PARPBP: variants seen among roughly 807,000 people sequenced by gnomAD.
PARPBP encodes PARP1 binding protein.
In PARPBP, 52 loss-of-function variants were observed where a neutral mutation model predicts 50.0. The ratio of observed to expected loss-of-function variants is 1.04; its 90% CI spans 0.83 to 1.31. The LOEUF (loss-of-function observed/expected upper bound fraction) is 1.31, where lower values mean the gene tolerates loss of function less well. PARPBP is among the 50% of genes most tolerant of loss of function. The pLI is 0.00. For synonymous variants in PARPBP, 244 were observed against 232.1 expected (o/e 1.05, Z -0.47); for missense variants, 697 against 672.0 (o/e 1.04, Z -0.41).
chr12:102,184,768 G>T (rs1244091089), intron 9 of PARPBP, among the ~76,000 whole-genome samples: 4 of 152,116 alleles, frequency 2.6e-5, no homozygotes, highest in Non-Finnish European at 5.9e-5. Context: ...GTTTAACCAG[G>T]TATACAACTG....
chr12:102,176,556 A>G (rs962591359), intron 7 of PARPBP, among the ~76,000 whole-genome samples: 2 of 152,202 alleles, frequency 1.3e-5, no homozygotes, highest in Non-Finnish European at 2.9e-5. Context: ...AATTAAATAG[A>G]GTAGATTCTA....
intron 2 of PARPBP, among the ~76,000 whole-genome samples, chr12:102,126,790 A>G (rs930535363): frequency 1.3e-5 from 2 of 152,186 alleles, no homozygotes; most frequent in Non-Finnish European, 2.9e-5. Flanking sequence ...ATAAATAAAT[A>G]AAATAAAATT....
At chr12:102,142,219 G>T (rs757903515) in intron 2 of PARPBP, among the ~76,000 whole-genome samples, 2 of 151,818 alleles carry the variant, frequency 1.3e-5, no homozygotes, top group Non-Finnish European at 2.9e-5. Flanking sequence ...TTGTCTTCTC[G>T]CTTCATTTCA....
chr12:102,135,518 A>G (rs1342741538), intron 2 of PARPBP, among the ~76,000 whole-genome samples: 1 of 139,214 alleles, frequency 7.2e-6, no homozygotes, highest in Admixed American at 7.3e-5. Context: ...CCAGCCTGGG[A>G]GACAGAGACT....
rs1014968548 is a variant in PARPBP, at chr12:102,195,866, A to G, written c.1400-85A>G. ...TTAAAAATTTGAATATTCGTTAGCC[A>G]TTTTTAAAGTTTATTGTAAAGTTCT... On this transcript the variant is annotated intron_variant, in intron 10 of 10. Transcript: ENST00000327680. 5 of 847,626 alleles carry G rather than the reference A, an allele frequency of 5.9e-6. No individual in the cohort carries two copies. The African/African-American group carries it at 8.6e-5, about 15-fold the overall frequency. The allele number at this position is 847,626 out of a possible 1,614,324, so 52.5% of individuals were successfully genotyped here.
intron 2 of PARPBP, among the ~76,000 whole-genome samples, chr12:102,141,648 A>G (rs998148982): frequency 4.0e-5 from 6 of 151,786 alleles, no homozygotes; most frequent in Non-Finnish European, 8.8e-5. Flanking sequence ...CATGTTTAGT[A>G]CTTCCTTCAG....
chr12:102,133,840 T>C (rs1883220607), intron 2 of PARPBP, among the ~76,000 whole-genome samples: 1 of 151,932 alleles, frequency 6.6e-6, no homozygotes, highest in Non-Finnish European at 1.5e-5. Context: ...CAGGAAGAAT[T>C]TGGAAAATTA....
At chr12:102,183,616 G>C (rs1452440371) in intron 9 of PARPBP, among the ~76,000 whole-genome samples, 1 of 152,054 alleles carries the variant, frequency 6.6e-6, no homozygotes, top group Non-Finnish European at 1.5e-5. Context: ...TTGCAATCAA[G>C]GGATAAGATT....
In PARPBP at chr12:102,197,212, C is replaced by A. The variant is rs780126998; in HGVS notation, c.*921C>A. On this transcript the variant is annotated 3_prime_UTR_variant, in exon 11 of 11. Transcript: ENST00000327680. ...TGATTTGGTTTTTAGCTATCGTATT[C>A]GGAGTGGAACTATAATACAATTGTA... 7.2e-7 allele frequency: 1 copy of A among 1,385,794 alleles called. No homozygotes were observed. Among genetic ancestry groups the A allele is most frequent in the Non-Finnish European group, 1.0e-6 (1 of 978,168 alleles). The allele number at this position is 1,385,794 out of a possible 1,614,324, so 85.8% of individuals were successfully genotyped here. A position where few individuals can be genotyped will look rare whatever the true frequency, so the allele number is the denominator to read the frequency against.
At chr12:102,167,730 C>T (rs959533816) in intron 6 of PARPBP, among the ~76,000 whole-genome samples, 13 of 152,142 alleles carry the variant, frequency 8.5e-5, no homozygotes, top group African/African-American at 3.1e-4. Flanking sequence ...TCTCACAGTT[C>T]CGTATGTAGA....
At chr12:102,133,009 C>G (rs531056062) in intron 2 of PARPBP, among the ~76,000 whole-genome samples, 1 of 152,056 alleles carries the variant, frequency 6.6e-6, no homozygotes, top group South Asian at 2.1e-4. Context: ...TTGTATCTTG[C>G]CACTTTACAC....
At chr12:102,143,020 G>T (rs995630913) in intron 2 of PARPBP, among the ~76,000 whole-genome samples, 3 of 152,204 alleles carry the variant, frequency 2.0e-5, no homozygotes, top group African/African-American at 7.2e-5. Context: ...CTTCAAAGCT[G>T]CCAGACAGGA....
chr12:102,192,710 GTTTA>G (rs1890901862), intron 9 of PARPBP, among the ~76,000 whole-genome samples: 1 of 151,952 alleles, frequency 6.6e-6, no homozygotes, highest in South Asian at 2.1e-4. Flanking sequence ...CTGTTATCCA[GTTTA>G]TTTGTTATTC....
intron 9 of PARPBP, among the ~76,000 whole-genome samples, chr12:102,189,997 T>C (rs2137299695): frequency 6.6e-6 from 1 of 152,274 alleles, no homozygotes; most frequent in South Asian, 2.1e-4. Context: ...TTGAACAGAG[T>C]AGAGTTTACT....
chr12:102,187,094 T>TA (rs1483319412), intron 9 of PARPBP, among the ~76,000 whole-genome samples: 1 of 152,200 alleles, frequency 6.6e-6, no homozygotes, highest in Non-Finnish European at 1.5e-5. Flanking sequence ...CCCTGCCTGA[T>TA]ACTTGAAATG....
chr12:102,123,354 C>T (rs1024060327), intron 1 of PARPBP, among the ~76,000 whole-genome samples: 11 of 152,146 alleles, frequency 7.2e-5, no homozygotes, highest in Non-Finnish European at 1.3e-4. Flanking sequence ...CCACTTAAGG[C>T]CTAAGCTCAG....
intron 1 of PARPBP, 35 bp from the exon 2 acceptor site, chr12:102,123,851 A>G: frequency 1.4e-6 from 2 of 1,452,636 alleles, no homozygotes; most frequent in Non-Finnish European, 1.9e-6. Context: ...GGTTAACATA[A>G]GATACTTTAA....
Position 102,197,251 on chromosome 12 carries a change from G to C in PARPBP, c.*960G>C. The C allele has an allele frequency of 2.5e-6, 3 of 1,177,524 alleles. No individual in the cohort carries two copies. Among genetic ancestry groups the C allele is most frequent in the Non-Finnish European group, 3.6e-6 (3 of 823,236 alleles). 72.9% of individuals were successfully genotyped at this position (1,177,524 alleles called of 1,614,324 possible). On this transcript the variant is annotated 3_prime_UTR_variant, in exon 11 of 11. Transcript: ENST00000327680. ...AATACAATTGTATAATATTCTTGTT[G>C]ATCAATTCAAAGTTACTCTGCACTG...
chr12:102,126,804 A>T (rs1882068908), intron 2 of PARPBP, among the ~76,000 whole-genome samples: 1 of 152,166 alleles, frequency 6.6e-6, no homozygotes, highest in South Asian at 2.1e-4. Context: ...TAAAATTATA[A>T]CAGTATCAGC....
Sources: allele counts gnomAD v4.1 joint callset (sites outside exome capture counted in the v4.1 genomes callset), GRCh38; gene constraint gnomAD v4.1.1; transcripts MANE v1.5; gene names NCBI Gene and HGNC (gene_info 2026-07-23, HGNC 2026-07-21).